Variants in FBXO28 observed in about 807,000 individuals in gnomAD.
The protein encoded by FBXO28 is F-box protein 28, also known as F-box only protein 28.
FBXO28 carries 8 observed loss-of-function variants against 38.1 expected under a neutral mutation model. The ratio of observed to expected loss-of-function variants is 0.21; its 90% confidence interval spans 0.12 to 0.38. The LOEUF (loss-of-function observed/expected upper bound fraction) is 0.38. Among genes scored for constraint, FBXO28 ranks in the 10% least tolerant of loss-of-function variants. FBXO28 has a pLI of 1.00. For synonymous variants in FBXO28, 168 were observed against 173.8 expected, an observed-to-expected ratio of 0.97 and a Z score of 0.26; for missense variants, 345 against 460.6, an observed-to-expected ratio of 0.75 and a Z score of 2.30.
At chr1:224,156,547 C>G (rs1572028671) in intron 4 of FBXO28, among the ~76,000 whole-genome samples, 1 of 152,184 alleles carries the variant, frequency 6.6e-6, no homozygotes, top group Non-Finnish European at 1.5e-5. Context: ...CGCATACCCA[C>G]ATTCCAAAAT....
chr1:224,136,231 G>A (rs1657182760), intron 3 of FBXO28, among the ~76,000 whole-genome samples: 1 of 143,446 alleles, frequency 7.0e-6, no homozygotes, highest in Non-Finnish European at 1.5e-5. Context: ...TTTTATGAGT[G>A]TTCCCTTTTT....
intron 1 of FBXO28, among the ~76,000 whole-genome samples, chr1:224,118,468 T>G (rs1296983418): frequency 1.3e-5 from 2 of 152,202 alleles, no homozygotes; most frequent in African/African-American, 4.8e-5. Context: ...AGAACATGAA[T>G]TTGACTAAAG....
At chr1:224,125,655 T>C (rs937829403) in intron 1 of FBXO28, among the ~76,000 whole-genome samples, 24 of 151,842 alleles carry the variant, frequency 1.6e-4, no homozygotes, top group African/African-American at 5.3e-4. Context: ...TTTTTTTTTT[T>C]TTCTGACACG....
chr1:224,119,825 G>A (rs1450843940), intron 1 of FBXO28, among the ~76,000 whole-genome samples: 2 of 152,192 alleles, frequency 1.3e-5, no homozygotes, highest in African/African-American at 2.4e-5. Flanking sequence ...GAATGACTTA[G>A]AGGGATTCAG....
rs1406589921 is a variant in FBXO28, at chr1:224,158,178, T to C, written c.*432T>C. On this transcript the variant is annotated 3_prime_UTR_variant, in exon 5 of 5. Transcript: ENST00000366862. ...ATGGACACTATCTTGGTTCTTTTTT[T>C]TTTAAGTCATCTTTTTGTTATAAGT... 1 of 987,912 alleles carries C rather than the reference T, an allele frequency of 1.0e-6. No individual in the cohort carries two copies. Among genetic ancestry groups the C allele is most frequent in the Non-Finnish European group, 1.2e-6 (1 of 831,582 alleles). 61.2% of individuals were successfully genotyped at this position (987,912 alleles called of 1,614,324 possible). A position where few individuals can be genotyped will look rare whatever the true frequency, so the allele number is the denominator to read the frequency against.
intron 3 of FBXO28, among the ~76,000 whole-genome samples, chr1:224,152,374 C>G (rs1374763433): frequency 6.6e-6 from 1 of 152,128 alleles, no homozygotes. Context: ...CTTAGGGGAA[C>G]AGATTCAGGT....
intron 3 of FBXO28, among the ~76,000 whole-genome samples, chr1:224,149,795 T>G (rs2102632589): frequency 6.6e-6 from 1 of 152,276 alleles, no homozygotes; most frequent in East Asian, 1.9e-4. Flanking sequence ...TTAACATGAT[T>G]TAAATTGGAG....
At chr1:224,133,705 T>C (rs1341696813) in intron 2 of FBXO28, among the ~76,000 whole-genome samples, 11 of 151,972 alleles carry the variant, frequency 7.2e-5, no homozygotes, top group African/African-American at 1.9e-4. Context: ...GAGACGGGGT[T>C]TCACCATGTT....
rs182148580 is a variant in FBXO28 at position 224,129,718 on chromosome 1, G to A, written c.268-754G>A. The stretch of plus-strand genomic sequence containing the variant: ...AATTACATGGTGTGAGGCTGGGCAC[G>A]GTGGCTCACACCTGTAATCCCAGCA... On this transcript the variant is annotated intron_variant, in intron 1 of 4. Coordinates refer to ENST00000366862, the MANE Select transcript of FBXO28 (RefSeq NM_015176.4). 2.9e-3 allele frequency among the ~76,000 whole-genome samples: 439 copies of A among 152,070 alleles called. 1 individual carries two copies. The highest frequency in any genetic ancestry group is 7.6e-3 in the African/African-American group (317 of 41,496).
chr1:224,139,621 G>T (rs1026097063), intron 3 of FBXO28, among the ~76,000 whole-genome samples: 1 of 152,066 alleles, frequency 6.6e-6, no homozygotes, highest in Non-Finnish European at 1.5e-5. Context: ...CACGCCTGTA[G>T]TCCCAGCCAC....
chr1:224,134,356 TTATAAA>T, intron 3 of FBXO28, 144 bp downstream of exon 3: 1 of 616,870 alleles, frequency 1.6e-6, no homozygotes, highest in Admixed American at 3.4e-5. Flanking sequence ...TTCTGTACAG[TTATAAA>T]TATGTATCAT....
At chr1:224,144,887 A>C (rs539417799) in intron 3 of FBXO28, among the ~76,000 whole-genome samples, 1 of 152,260 alleles carries the variant, frequency 6.6e-6, no homozygotes, top group Admixed American at 6.6e-5. Context: ...GATGACTGCC[A>C]TAGCTCACTG....
At chr1:224,134,001 T>G in intron 2 of FBXO28, 73 bp from the exon 3 acceptor site, 2 of 1,116,044 alleles carry the variant, frequency 1.8e-6, no homozygotes, top group South Asian at 4.3e-5. Flanking sequence ...TTAAGCCATC[T>G]TGATTGCTTA....
intron 1 of FBXO28, among the ~76,000 whole-genome samples, chr1:224,120,031 A>T (rs555935579): frequency 1.3e-5 from 2 of 152,216 alleles, no homozygotes; most frequent in African/African-American, 4.8e-5. Flanking sequence ...TCCGTCTCGT[A>T]TCATCATCAT....
intron 3 of FBXO28, among the ~76,000 whole-genome samples, chr1:224,148,563 G>A (rs1271316352): frequency 1.3e-5 from 2 of 152,062 alleles, no homozygotes; most frequent in Admixed American, 6.6e-5. Context: ...TCGGGAGGCT[G>A]AGGCAGGAGA....
intron 3 of FBXO28, among the ~76,000 whole-genome samples, chr1:224,152,925 C>CAAAAAAAAAAAAAA (rs57616453): frequency 6.2e-5 from 4 of 64,890 alleles, no homozygotes; most frequent in African/African-American, 2.6e-4. Context: ...AACTCTGTCT[C>CAAAAAAAAAAAAAA]AAAAAAAAAA....
chr1:224,130,601 G>T lies in FBXO28; in HGVS notation c.377+20G>T. The stretch of plus-strand genomic sequence containing the variant: ...CCCAAGGTATGTTGTGGGTGGCAAT[G>T]ACAATGATGTACAGTTGGTTTTGTT... On this transcript the variant is annotated intron_variant, in intron 2 of 4. Coordinates refer to ENST00000366862, the MANE Select transcript of FBXO28 (RefSeq NM_015176.4). 1 of 1,508,028 alleles carries T rather than the reference G, an allele frequency of 6.6e-7. No individual in the cohort carries two copies. Among genetic ancestry groups the T allele is most frequent in the South Asian group, 1.1e-5 (1 of 88,364 alleles). 93.4% of individuals were successfully genotyped at this position (1,508,028 alleles called of 1,614,324 possible).
chr1:224,114,462 G>T, intron 1 of FBXO28, 66 bp downstream of exon 1: 2 of 1,358,526 alleles, frequency 1.5e-6, no homozygotes, highest in East Asian at 2.7e-5. Context: ...TGAGAAGGGA[G>T]CGCGTTCCCC....
intron 3 of FBXO28, among the ~76,000 whole-genome samples, chr1:224,151,145 A>G (rs1047617485): frequency 6.6e-5 from 10 of 152,206 alleles, no homozygotes; most frequent in African/African-American, 2.2e-4. Context: ...ATTGCCAGAA[A>G]TAAATATGTT....
Sources: gnomAD v4.1 joint callset for allele counts (sites outside exome capture counted in the v4.1 genomes callset) on GRCh38, gnomAD v4.1.1 for gene constraint, MANE v1.5 for transcripts, NCBI Gene and HGNC (gene_info 2026-07-23, HGNC 2026-07-21) for gene names.